PDE4D: variants seen among roughly 807,000 people sequenced by gnomAD.
The protein encoded by PDE4D is 3',5'-cyclic-AMP phosphodiesterase 4D.
A neutral mutation model predicts 87.4 loss-of-function variants in PDE4D; 24 were observed. The ratio of observed to expected loss-of-function variants is 0.27; its 90% confidence interval spans 0.20 to 0.39. The LOEUF (loss-of-function observed/expected upper bound fraction) is 0.39. Ranked by LOEUF, PDE4D falls within the 10% of genes least tolerant of loss-of-function variation. The pLI, the probability that PDE4D is intolerant of heterozygous loss-of-function variation, is 1.00. For synonymous variants in PDE4D, 384 were observed against 383.2 expected, an observed-to-expected ratio of 1.00 and a Z score of -0.02; for missense variants, 714 against 1,041.0, an observed-to-expected ratio of 0.69 and a Z score of 4.32.
intron 1 of PDE4D, among the ~76,000 whole-genome samples, chr5:59,582,266 A>G (rs1356189251): frequency 6.6e-6 from 1 of 152,214 alleles, no homozygotes; most frequent in East Asian, 1.9e-4. Flanking sequence ...TTCAACGTAT[A>G]CATAGTCATC....
chr5:60,089,728 A>C (rs1774914510), intron 2 of PDE4D, among the ~76,000 whole-genome samples: 1 of 151,924 alleles, frequency 6.6e-6, no homozygotes, highest in South Asian at 2.1e-4. Context: ...CTACAAAAAT[A>C]CAAAAGATCA....
chr5:60,101,065 T>A (rs1231646837), intron 2 of PDE4D, among the ~76,000 whole-genome samples: 2 of 151,782 alleles, frequency 1.3e-5, no homozygotes, highest in African/African-American at 4.8e-5. Context: ...CTAAATGGAG[T>A]TTGTGGGGTT....
At chr5:59,931,066 C>G (rs1158364339) in intron 3 of PDE4D, among the ~76,000 whole-genome samples, 1 of 152,002 alleles carries the variant, frequency 6.6e-6, no homozygotes, top group East Asian at 1.9e-4. Flanking sequence ...AAAAAATGTT[C>G]CATATTTATT....
chr5:59,612,413 T>C (rs1002435274), intron 1 of PDE4D, among the ~76,000 whole-genome samples: 13 of 152,140 alleles, frequency 8.5e-5, no homozygotes, highest in African/African-American at 2.9e-4. Flanking sequence ...TATAGCCTGC[T>C]TCTACCTAAG....
intron 2 of PDE4D, among the ~76,000 whole-genome samples, chr5:60,042,356 G>A (rs940849486): frequency 7.9e-5 from 12 of 152,204 alleles, no homozygotes; most frequent in African/African-American, 2.7e-4. Context: ...GGGAAGGGGT[G>A]CCTGTAGGCG....
intron 1 of PDE4D, among the ~76,000 whole-genome samples, chr5:60,238,404 A>C (rs1335356801): frequency 6.6e-6 from 1 of 151,920 alleles, no homozygotes; most frequent in African/African-American, 2.4e-5. Flanking sequence ...AAACACATCC[A>C]ATCATGTTTC....
At chr5:59,285,556 G>A (rs1165539717) in intron 1 of PDE4D, among the ~76,000 whole-genome samples, 1 of 151,946 alleles carries the variant, frequency 6.6e-6, no homozygotes, top group Non-Finnish European at 1.5e-5. Flanking sequence ...TGGTTGCCAG[G>A]GTAAAGAAAT....
At chr5:60,192,625 C>T (rs1374075686) in intron 1 of PDE4D, among the ~76,000 whole-genome samples, 1 of 151,932 alleles carries the variant, frequency 6.6e-6, no homozygotes, top group African/African-American at 2.4e-5. Context: ...TGAGAAAAAG[C>T]TTGTGTTATA....
intron 1 of PDE4D, among the ~76,000 whole-genome samples, chr5:59,710,026 T>C (rs1014470155): frequency 6.6e-6 from 1 of 152,146 alleles, no homozygotes; most frequent in Admixed American, 6.6e-5. Flanking sequence ...AGAGAGGACA[T>C]GCTTTCTTTC....
chr5:59,170,567 G>T (rs1782599795), intron 5 of PDE4D, among the ~76,000 whole-genome samples: 1 of 152,122 alleles, frequency 6.6e-6, no homozygotes, highest in African/African-American at 2.4e-5. Context: ...ATGTAAAATG[G>T]TAAACCTATC....
chr5:59,642,236 GC>G (rs1239950609), intron 1 of PDE4D, among the ~76,000 whole-genome samples: 1 of 151,778 alleles, frequency 6.6e-6, no homozygotes, highest in Non-Finnish European at 1.5e-5. Context: ...AAGTAAAACA[GC>G]TTTCACTTTT....
At chr5:59,919,339 T>C (rs1754417929) in intron 3 of PDE4D, among the ~76,000 whole-genome samples, 1 of 152,178 alleles carries the variant, frequency 6.6e-6, no homozygotes, top group Non-Finnish European at 1.5e-5. Context: ...GTTTTCACCT[T>C]CCTTTCTCCA....
At chr5:59,903,950 C>T (rs911262397) in intron 3 of PDE4D, among the ~76,000 whole-genome samples, 4 of 152,152 alleles carry the variant, frequency 2.6e-5, no homozygotes, top group African/African-American at 4.8e-5. Context: ...TCAAAAATTG[C>T]ATGACTTTTT....
chr5:60,276,144 A>G (rs2149735620), intron 1 of PDE4D, among the ~76,000 whole-genome samples: 1 of 152,280 alleles, frequency 6.6e-6, no homozygotes, highest in Admixed American at 6.5e-5. Flanking sequence ...GATTAGATCC[A>G]GTTGGTTGAT....
At chr5:60,501,570 C>T (rs575687870) in intron 1 of PDE4D, among the ~76,000 whole-genome samples, 5 of 151,298 alleles carry the variant, frequency 3.3e-5, no homozygotes, top group South Asian at 2.1e-4. Context: ...CCTGAGGAAT[C>T]GCCACACTGA....
chr5:60,423,976 G>A (rs1743394246), intron 1 of PDE4D, among the ~76,000 whole-genome samples: 1 of 152,194 alleles, frequency 6.6e-6, no homozygotes, highest in Non-Finnish European at 1.5e-5. Context: ...ACCCTCCCAA[G>A]AATAAACCAG....
At chr5:60,340,264 C>T (rs34038162) in intron 1 of PDE4D, among the ~76,000 whole-genome samples, 33,134 of 151,240 alleles carry the variant, frequency 0.22, 3,922 homozygotes, top group South Asian at 0.4. Flanking sequence ...GCCAAAAGAA[C>T]CTGTACAGCA....
At chr5:59,358,431 G>C (rs1013908079) in intron 1 of PDE4D, among the ~76,000 whole-genome samples, 1 of 152,138 alleles carries the variant, frequency 6.6e-6, no homozygotes, top group African/African-American at 2.4e-5. Context: ...AAAACAGGTA[G>C]CCACTTTCCT....
intron 1 of PDE4D, among the ~76,000 whole-genome samples, chr5:59,706,306 C>A (rs1237876315): frequency 2.0e-5 from 3 of 152,038 alleles, no homozygotes; most frequent in African/African-American, 7.2e-5. Context: ...GTCGCTTGTC[C>A]CCAGGTGATA....
Sources: allele counts gnomAD v4.1 joint callset (sites outside exome capture counted in the v4.1 genomes callset), GRCh38; gene constraint gnomAD v4.1.1; transcripts MANE v1.5; gene names NCBI Gene and HGNC (gene_info 2026-07-23, HGNC 2026-07-21).